Variants in MYO9A observed in about 807,000 individuals in gnomAD.
MYO9A encodes unconventional myosin-IXa.
A neutral mutation model predicts 293.3 loss-of-function variants in MYO9A; 103 were observed. The ratio of observed to expected loss-of-function variants is 0.35; its 90% confidence interval spans 0.30 to 0.41. MYO9A has a LOEUF of 0.41. Ranked by LOEUF, MYO9A falls within the 10% of genes least tolerant of loss-of-function variation. The probability of loss-of-function intolerance (pLI) is 1.00; values close to 1 mark genes in which losing one functional copy is unlikely to be tolerated. For synonymous variants in MYO9A, 1,001 were observed against 1,035.7 expected (o/e 0.97, Z 0.64); for missense variants, 2,685 against 3,033.0 (o/e 0.89, Z 2.69).
chr15:72,037,150 T>C (rs565809924), intron 2 of MYO9A, among the ~76,000 whole-genome samples: 1 of 151,428 alleles, frequency 6.6e-6, no homozygotes, highest in South Asian at 2.1e-4. Context: ...AAACAGCCTC[T>C]TCACACTCCC....
chr15:71,928,457 ATTTT>A (rs1157803949), intron 18 of MYO9A, among the ~76,000 whole-genome samples: 1 of 151,268 alleles, frequency 6.6e-6, no homozygotes, highest in Non-Finnish European at 1.5e-5. Context: ...GAATTTCAGG[ATTTT>A]TTTTATTTCT....
At chr15:71,842,031 A>G (rs1026838985) in intron 39 of MYO9A, among the ~76,000 whole-genome samples, 11 of 152,084 alleles carry the variant, frequency 7.2e-5, no homozygotes, top group African/African-American at 2.7e-4. Flanking sequence ...CTTTCTCTCT[A>G]TGGAGAGAGG....
intron 19 of MYO9A, among the ~76,000 whole-genome samples, chr15:71,910,014 A>T (rs1311028799): frequency 1.3e-5 from 2 of 151,168 alleles, no homozygotes; most frequent in Middle Eastern, 3.4e-3. Context: ...TATTAAAATA[A>T]TAAGTGTAAA....
intron 6 of MYO9A, among the ~76,000 whole-genome samples, chr15:72,015,655 C>A (rs1438777569): frequency 6.6e-6 from 1 of 151,328 alleles, no homozygotes; most frequent in Non-Finnish European, 1.5e-5. Context: ...GGCTGACCGA[C>A]CCTTTACATT....
intron 1 of MYO9A, among the ~76,000 whole-genome samples, chr15:72,101,902 C>T (rs1285229635): frequency 6.6e-6 from 1 of 152,036 alleles, no homozygotes; most frequent in Non-Finnish European, 1.5e-5. Flanking sequence ...CGGCCCCGCC[C>T]GGGAGGTGAG....
intron 13 of MYO9A, among the ~76,000 whole-genome samples, chr15:71,961,742 T>C (rs1596288641): frequency 2.0e-5 from 3 of 152,278 alleles, no homozygotes; most frequent in Admixed American, 2.0e-4. Context: ...GATTTTTTTT[T>C]TTAAACAAGG....
chr15:71,937,803 A>G (rs1393732059), intron 16 of MYO9A, among the ~76,000 whole-genome samples: 3 of 152,112 alleles, frequency 2.0e-5, no homozygotes, highest in Admixed American at 2.0e-4. Context: ...TTTTTTATAT[A>G]ATCAAGAAAA....
At chr15:71,879,977 T>C in intron 29 of MYO9A, 140 bp from the exon 30 acceptor site, 1 of 632,898 alleles carries the variant, frequency 1.6e-6, no homozygotes, top group Non-Finnish European at 2.8e-6. Context: ...CAGGTGAAAG[T>C]TATGACTAGA....
intron 12 of MYO9A, among the ~76,000 whole-genome samples, chr15:71,974,519 A>C (rs993459569): frequency 7.9e-5 from 12 of 152,218 alleles, no homozygotes; most frequent in African/African-American, 2.7e-4. Flanking sequence ...AGATGACCTC[A>C]AAAAGAAAAA....
intron 1 of MYO9A, among the ~76,000 whole-genome samples, chr15:72,074,978 T>TTTTTTC (rs1210327943): frequency 1.8e-5 from 2 of 108,534 alleles, no homozygotes; most frequent in Non-Finnish European, 2.1e-5. Context: ...TTTTTTTTTT[T>TTTTTTC]CTTGAGACAG....
Position 72,099,960 on chromosome 15 carries a change from A to AT in MYO9A, c.-72+17719dup, listed in dbSNP as rs754487117. ...CAAAGGATCAGGAATGGAAAAAGGG[A>AT]TAAAAACTAACATCAGAAATAACAG... On this transcript the variant is annotated intron_variant, in intron 1 of 41. Transcript: ENST00000356056. Among the ~76,000 whole-genome samples the AT allele has an allele frequency of 2.0e-5, 3 of 148,068 alleles. No individual in the cohort carries two copies. In the East Asian group the frequency reaches 6.0e-4, roughly 29 times the overall value.
At chr15:71,978,921 TC>T in intron 11 of MYO9A, among the ~76,000 whole-genome samples, 1 of 152,252 alleles carries the variant, frequency 6.6e-6, no homozygotes, top group South Asian at 2.1e-4. Flanking sequence ...CTTCTATTCA[TC>T]CTTGTGATAC....
At chr15:71,874,259 T>C (rs998378514) in intron 32 of MYO9A, among the ~76,000 whole-genome samples, 1 of 152,326 alleles carries the variant, frequency 6.6e-6, no homozygotes, top group African/African-American at 2.4e-5. Context: ...TGAATATTAG[T>C]AAGGTAGATG....
At chr15:71,872,478 T>C (rs1020088567) in intron 32 of MYO9A, among the ~76,000 whole-genome samples, 1 of 152,190 alleles carries the variant, frequency 6.6e-6, no homozygotes, top group African/African-American at 2.4e-5. Context: ...GGACTTGCTA[T>C]GTTCCCAACA....
intron 18 of MYO9A, among the ~76,000 whole-genome samples, chr15:71,917,779 G>C (rs2058050618): frequency 6.6e-6 from 1 of 152,004 alleles, no homozygotes; most frequent in African/African-American, 2.4e-5. Flanking sequence ...TATTTAAAAA[G>C]TAATCAAAAA....
chr15:71,949,279 T>C (rs2058996917), intron 15 of MYO9A, among the ~76,000 whole-genome samples: 2 of 152,262 alleles, frequency 1.3e-5, no homozygotes, highest in Admixed American at 1.3e-4. Flanking sequence ...CTCAACTCAC[T>C]GCAACCTCTG....
chr15:71,854,472 T>C lies in MYO9A; in HGVS notation c.6251A>G (p.Asn2084Ser). ...TVPLVVEKLI[N>S]YIEMHGLYTE... Reference sequence around the variant, plus strand: ...ATACAGTCCATGCATTTCAATGTAGTTTATGAGCTTTTCCACTACTAAAGG... The same window carrying C: ...ATACAGTCCATGCATTTCAATGTAGCTTATGAGCTTTTCCACTACTAAAGG... The change falls in exon 35 of 42, where the codon AAC (asparagine) becomes AGC (serine). Residue 2084 changes from asparagine (N) to serine (S), a missense_variant. Physicochemically the swap from Asn to Ser is conservative, Grantham distance 46. Transcript: ENST00000356056. 6.2e-7 allele frequency: 1 copy of C among 1,613,780 alleles called. No homozygotes were observed. Among genetic ancestry groups the C allele is most frequent in the Non-Finnish European group, 8.5e-7 (1 of 1,179,808 alleles).
chr15:72,117,541 T>G, intron 1 of MYO9A, 139 bp downstream of exon 1: 1 of 350,514 alleles, frequency 2.9e-6, no homozygotes, highest in African/African-American at 2.1e-5. Flanking sequence ...GATCTGGTGT[T>G]TGGGAGGCTC....
intron 16 of MYO9A, among the ~76,000 whole-genome samples, chr15:71,938,350 A>AG (rs1381297700): frequency 1.1e-4 from 2 of 18,224 alleles, no homozygotes; most frequent in Non-Finnish European, 5.6e-4. Context: ...TATAAAAAAC[A>AG]AAATTTTATG....
Sources: gnomAD v4.1 joint callset for allele counts (sites outside exome capture counted in the v4.1 genomes callset) on GRCh38, gnomAD v4.1.1 for gene constraint, MANE v1.5 for transcripts, NCBI Gene and HGNC (gene_info 2026-07-23, HGNC 2026-07-21) for gene names.